The following RIMBP2 variants were observed in gnomAD, a reference collection of about 807,000 sequenced individuals.
RIMBP2 encodes the protein RIMS binding protein 2.
Under a neutral mutation model 118.6 loss-of-function variants are expected in RIMBP2, and 48 were observed. That is an observed-to-expected ratio of 0.40 (90% CI 0.32 to 0.51). RIMBP2 has a LOEUF of 0.51. RIMBP2 is among the 20% of genes least tolerant of loss of function. The pLI is 0.41. For missense variants in RIMBP2, 1,551 were observed against 1,768.3 expected, an observed-to-expected ratio of 0.88 and a Z score of 2.20; for synonymous variants, 762 against 742.9, an observed-to-expected ratio of 1.03 and a Z score of -0.42.
In RIMBP2 at chr12:130,451,181, G is replaced by A. The variant is rs768099900; in HGVS notation, c.504+14C>T. 1.2e-5 allele frequency: 19 copies of A among 1,611,134 alleles called. No homozygotes were observed. The highest frequency in any genetic ancestry group is 6.7e-5 in the African/African-American group (5 of 74,890). On this transcript the variant is annotated intron_variant, in intron 8 of 22. Coordinates refer to ENST00000690449, the MANE Select transcript of RIMBP2 (RefSeq NM_001393629.1). ...CACAGGCAGCCCCGGCAGCCCCTGCGGGACGGGACTCACGTCTGACTCAGA... is the reference window on the plus strand; with the variant it reads ...CACAGGCAGCCCCGGCAGCCCCTGCAGGACGGGACTCACGTCTGACTCAGA...
chr12:130,414,108 A>G lies in RIMBP2; in HGVS notation c.3420+17T>C. ...CTCAGGGGCTGATGAAGCCGCCCGC[A>G]GGCAGCCATCCCGCACCTTGATGAT... On this transcript the variant is annotated intron_variant, in intron 18 of 22. Transcript: ENST00000690449. The G allele has an allele frequency of 1.2e-6, 2 of 1,613,726 alleles. No individual in the cohort carries two copies. The highest frequency in any genetic ancestry group is 1.1e-5 in the South Asian group (1 of 91,054).
intron 2 of RIMBP2, among the ~76,000 whole-genome samples, chr12:130,542,338 T>G (rs556933120): frequency 6.6e-5 from 10 of 152,172 alleles, no homozygotes; most frequent in Non-Finnish European, 1.2e-4. Flanking sequence ...CCCCTACATA[T>G]GCACATTTTC....
At chr12:130,528,571 C>A (rs1385604698) in intron 2 of RIMBP2, among the ~76,000 whole-genome samples, 3 of 152,198 alleles carry the variant, frequency 2.0e-5, no homozygotes, top group East Asian at 1.9e-4. Context: ...ACCTATGTAA[C>A]AAACCTGCAT....
At chr12:130,421,232 G>A (rs545910488) in intron 17 of RIMBP2, among the ~76,000 whole-genome samples, 70 of 152,324 alleles carry the variant, frequency 4.6e-4, no homozygotes, top group African/African-American at 1.6e-3. Context: ...TAGAATACCC[G>A]AAAGGAATCT....
At chr12:130,635,130 C>G (rs1337816685) in intron 1 of RIMBP2, among the ~76,000 whole-genome samples, 1 of 152,172 alleles carries the variant, frequency 6.6e-6, no homozygotes, top group South Asian at 2.1e-4. Flanking sequence ...TAAGGACATG[C>G]CTTTCATCAG....
intron 2 of RIMBP2, among the ~76,000 whole-genome samples, chr12:130,529,524 G>A (rs1349818960): frequency 2.0e-5 from 3 of 152,228 alleles, no homozygotes; most frequent in African/African-American, 7.2e-5. Context: ...TGATGAAGAT[G>A]TTTTGGAACT....
chr12:130,491,454 C>CAT (rs1412309662), intron 4 of RIMBP2, among the ~76,000 whole-genome samples: 2 of 152,244 alleles, frequency 1.3e-5, no homozygotes, highest in Non-Finnish European at 2.9e-5. Flanking sequence ...AGGCAGTACA[C>CAT]ATGAGAACCT....
At chr12:130,616,275 C>T (rs188025649) in intron 2 of RIMBP2, among the ~76,000 whole-genome samples, 143 of 152,040 alleles carry the variant, frequency 9.4e-4, no homozygotes, top group African/African-American at 2.8e-3. Flanking sequence ...TCTGTACCCC[C>T]ATCTGTTCTC....
At chr12:130,628,099 C>G (rs2061758542) in intron 2 of RIMBP2, among the ~76,000 whole-genome samples, 1 of 152,190 alleles carries the variant, frequency 6.6e-6, no homozygotes, top group Non-Finnish European at 1.5e-5. Flanking sequence ...CAAGTTCTTT[C>G]TTGCCTCAGG....
At chr12:130,454,641 T>C (rs150859580) in intron 7 of RIMBP2, among the ~76,000 whole-genome samples, 52 of 152,388 alleles carry the variant, frequency 3.4e-4, no homozygotes, top group African/African-American at 1.2e-3. Flanking sequence ...GGTGCAAACC[T>C]TCTTCTCTGC....
At chr12:130,537,637 A>C (rs2054195205) in intron 2 of RIMBP2, among the ~76,000 whole-genome samples, 1 of 152,316 alleles carries the variant, frequency 6.6e-6, no homozygotes, top group South Asian at 2.1e-4. Context: ...AGGAAAACGA[A>C]AGTGAGTTTC....
chr12:130,513,432 T>C (rs2051122768), intron 3 of RIMBP2, among the ~76,000 whole-genome samples: 1 of 152,164 alleles, frequency 6.6e-6, no homozygotes, highest in East Asian at 1.9e-4. Context: ...AAGAGAAGCT[T>C]GGAATATTTG....
chr12:130,587,684 TGGGGGGA>T (rs571497947), intron 2 of RIMBP2, among the ~76,000 whole-genome samples: 5,950 of 62,556 alleles, frequency 0.095, 340 homozygotes, highest in East Asian at 0.28. Context: ...TGTGGTGGGG[TGGGGGGA>T]GGGGGGAGGG....
At chr12:130,676,922 C>T (rs893744146) in intron 1 of RIMBP2, among the ~76,000 whole-genome samples, 28 of 152,228 alleles carry the variant, frequency 1.8e-4, no homozygotes, top group African/African-American at 6.7e-4. Context: ...CGGGAAAAAG[C>T]CTGTGGCTTA....
At chr12:130,473,752 A>G (rs1452633497) in intron 5 of RIMBP2, among the ~76,000 whole-genome samples, 3 of 152,206 alleles carry the variant, frequency 2.0e-5, no homozygotes, top group African/African-American at 7.2e-5. Context: ...GGATTAGGGC[A>G]GACACTGCCT....
At chr12:130,457,800 A>G (rs2079580487) in intron 6 of RIMBP2, among the ~76,000 whole-genome samples, 1 of 152,218 alleles carries the variant, frequency 6.6e-6, no homozygotes, top group Non-Finnish European at 1.5e-5. Context: ...CGTTTGCTGA[A>G]TCAGTGAAAA....
chr12:130,680,402 A>T (rs1286869496), intron 1 of RIMBP2, among the ~76,000 whole-genome samples: 1 of 152,184 alleles, frequency 6.6e-6, no homozygotes, highest in Admixed American at 6.5e-5. Flanking sequence ...AGCTGTGAGC[A>T]CACAGATGGT....
At chr12:130,575,170 C>T (rs1362161224) in intron 2 of RIMBP2, among the ~76,000 whole-genome samples, 1 of 79,966 alleles carries the variant, frequency 1.3e-5, no homozygotes, top group Non-Finnish European at 2.5e-5. Context: ...ATCACACCCC[C>T]CAACCCCACC....
rs184158979 is a variant in RIMBP2 at position 130,659,200 on chromosome 12, G to A, written c.-351-30744C>T. Among the ~76,000 whole-genome samples, 800 of 152,324 alleles carry A rather than the reference G, an allele frequency of 5.3e-3. 4 individuals are homozygous for A. The highest frequency in any genetic ancestry group is 0.014 in the Admixed American group (212 of 15,298). On this transcript the variant is annotated intron_variant, in intron 1 of 22. Coordinates refer to ENST00000690449, the MANE Select transcript of RIMBP2 (RefSeq NM_001393629.1). ...ACCTTAAAAAAAGTGGAAAGTAACA[G>A]ATAAAACTAATTTTCATATTTTATT...
Sources: gnomAD v4.1 joint callset for allele counts (sites outside exome capture counted in the v4.1 genomes callset) on GRCh38, gnomAD v4.1.1 for gene constraint, MANE v1.5 for transcripts, NCBI Gene and HGNC (gene_info 2026-07-23, HGNC 2026-07-21) for gene names.